ADIPOR1: variants seen among roughly 807,000 people sequenced by gnomAD.
ADIPOR1 encodes adiponectin receptor 1, also known as adiponectin receptor protein 1.
ADIPOR1 carries 15 observed loss-of-function variants against 37.5 expected under a neutral mutation model. The ratio of observed to expected loss-of-function variants is 0.40; its 90% CI spans 0.27 to 0.62. The LOEUF (loss-of-function observed/expected upper bound fraction) is 0.62. Ranked by LOEUF, ADIPOR1 falls within the 20% of genes least tolerant of loss-of-function variation. The probability of loss-of-function intolerance (pLI) is 0.42; values close to 1 mark genes in which losing one functional copy is unlikely to be tolerated. For missense variants in ADIPOR1, 286 were observed against 478.0 expected (o/e 0.60, Z 3.75); for synonymous variants, 173 against 173.2 (o/e 1.00, Z 0.01).
chr1:202,949,592 A>AAAAAAAAAAAAAAC (rs1386405820), intron 2 of ADIPOR1, among the ~76,000 whole-genome samples: 1 of 150,356 alleles, frequency 6.7e-6, no homozygotes, highest in African/African-American at 2.4e-5. Flanking sequence ...AAAAAAAAAA[A>AAAAAAAAAAAAAAC]AAAAACACAC....
At chr1:202,945,559 A>T (rs1481836532) in intron 4 of ADIPOR1, among the ~76,000 whole-genome samples, 1 of 152,238 alleles carries the variant, frequency 6.6e-6, no homozygotes, top group African/African-American at 2.4e-5. Flanking sequence ...ACACATGCAC[A>T]TGTATGTTTA....
Position 202,941,448 on chromosome 1 carries a change from G to T in ADIPOR1, c.*125C>A. 8.0e-7 allele frequency: 1 copy of T among 1,244,440 alleles called. No homozygotes were observed. The highest frequency in any genetic ancestry group is 1.1e-6 in the Non-Finnish European group (1 of 910,488). 77.1% of individuals were successfully genotyped at this position (1,244,440 alleles called of 1,614,324 possible). A position where few individuals can be genotyped will look rare whatever the true frequency, so the allele number is the denominator to read the frequency against. ...GTGAAAGTGGGCTGAAGCTTGGTTG[G>T]TACTGAATTCTCTAAGAGGTTTCTT... is the stretch of plus-strand genomic sequence containing the variant. On this transcript the variant is annotated 3_prime_UTR_variant, in exon 8 of 8. Transcript: ENST00000340990.
chr1:202,957,322 C>T (rs937277527), intron 1 of ADIPOR1, among the ~76,000 whole-genome samples: 2 of 152,036 alleles, frequency 1.3e-5, no homozygotes, highest in African/African-American at 4.8e-5. Flanking sequence ...TTTTCTAGCC[C>T]GTCTTCTGAA....
At chr1:202,957,025 A>C (rs969377200) in intron 1 of ADIPOR1, among the ~76,000 whole-genome samples, 1 of 152,236 alleles carries the variant, frequency 6.6e-6, no homozygotes, top group African/African-American at 2.4e-5. Context: ...TGATTTCCCA[A>C]GTGCAAATCA....
intron 3 of ADIPOR1, 105 bp downstream of exon 3, chr1:202,948,198 TC>T: frequency 2.2e-6 from 2 of 930,094 alleles, no homozygotes; most frequent in South Asian, 3.5e-5. Flanking sequence ...ATCCACTCCT[TC>T]CCAGGAATAA....
At chr1:202,942,616 T>C (rs1654141178) in intron 6 of ADIPOR1, among the ~76,000 whole-genome samples, 1 of 152,132 alleles carries the variant, frequency 6.6e-6, no homozygotes, top group Non-Finnish European at 1.5e-5. Flanking sequence ...AAGTCTTACA[T>C]AACCAGAACT....
chr1:202,952,736 AGTGTG>A (rs1654628161), intron 1 of ADIPOR1, among the ~76,000 whole-genome samples: 1 of 152,214 alleles, frequency 6.6e-6, no homozygotes, highest in Non-Finnish European at 1.5e-5. Context: ...GAGATGGCAT[AGTGTG>A]GGACTTAGCC....
In ADIPOR1 at chr1:202,942,202, A is replaced by G. The variant is rs376585520; in HGVS notation, c.822T>C (p.Leu274=). 267 of 1,614,078 alleles carry G rather than the reference A, an allele frequency of 1.7e-4. 4 individuals are homozygous for G. The East Asian group carries it at 3.6e-3, about 22-fold the overall frequency. The change falls in exon 7 of 8, where the codon CTT becomes CTC. Residue 274 remains leucine, a synonymous_variant. Transcript: ENST00000340990. Reference sequence around the variant, plus strand: ...TGGTGGGCACGACGCCACTCAAGCCAAGTCCCAGGAACACGCCTGAACAGA... The same window carrying G: ...TGGTGGGCACGACGCCACTCAAGCCGAGTCCCAGGAACACGCCTGAACAGA... ...RQTRAGVFLG[L]GLSGVVPTMH... is the part of the protein sequence containing the mutation.
intron 1 of ADIPOR1, among the ~76,000 whole-genome samples, chr1:202,952,157 A>G (rs193259203): frequency 6.6e-6 from 1 of 152,266 alleles, no homozygotes; most frequent in East Asian, 1.9e-4. Context: ...TATGCTGTAA[A>G]TTATTAGTTC....
chr1:202,946,086 G>T (rs1654303915), intron 4 of ADIPOR1, among the ~76,000 whole-genome samples: 1 of 147,282 alleles, frequency 6.8e-6, no homozygotes, highest in Admixed American at 6.9e-5. Context: ...ATGTTTCAAA[G>T]AAAGTGGCAC....
chr1:202,954,778 T>C (rs749476822), intron 1 of ADIPOR1, among the ~76,000 whole-genome samples: 5 of 152,240 alleles, frequency 3.3e-5, no homozygotes, highest in Non-Finnish European at 5.9e-5. Flanking sequence ...GGGGAAAAGA[T>C]TGATTTTTAA....
intron 1 of ADIPOR1, among the ~76,000 whole-genome samples, chr1:202,953,482 T>A (rs906230955): frequency 6.6e-6 from 1 of 152,314 alleles, no homozygotes; most frequent in African/African-American, 2.4e-5. Context: ...TAGAACCCAT[T>A]TCAAAATGAA....
In ADIPOR1 at chr1:202,941,677, C is replaced by T. The variant is rs778182434; in HGVS notation, c.1024G>A (p.Val342Ile). The T allele has an allele frequency of 6.2e-7, 1 of 1,613,920 alleles. No individual in the cohort carries two copies. Among genetic ancestry groups the T allele is most frequent in the South Asian group, 1.1e-5 (1 of 91,064 alleles). ...ACAAAGGCTGCTGCCACCACCAGGA[C>T]ATGGAAAATCTGATGAGACTGGAAC... ...IWFQSHQIFH[V>I]LVVAAAFVHF... Residue 342 changes from valine (V) to isoleucine (I), a missense_variant, in exon 8 of 8, where the codon GTC (valine) becomes ATC (isoleucine). Transcript: ENST00000340990.
chr1:202,957,187 G>T (rs745473370), intron 1 of ADIPOR1, among the ~76,000 whole-genome samples: 38 of 152,108 alleles, frequency 2.5e-4, no homozygotes, highest in Non-Finnish European at 4.4e-4. Flanking sequence ...CACCATCGTA[G>T]CCTACCCAAC....
intron 1 of ADIPOR1, among the ~76,000 whole-genome samples, chr1:202,951,979 G>A (rs1483044092): frequency 6.6e-6 from 1 of 152,138 alleles, no homozygotes. Flanking sequence ...AGAAACTAGA[G>A]ACAGGCACAC....
At position 202,941,316 on chromosome 1, in the gene ADIPOR1, T is replaced by G; in HGVS notation, c.*257A>C. The G allele has an allele frequency of 3.2e-6, 1 of 312,278 alleles. No individual in the cohort carries two copies. Among genetic ancestry groups the G allele is most frequent in the South Asian group, 8.8e-5 (1 of 11,358 alleles). The allele number at this position is 312,278 out of a possible 1,614,324, so 19.3% of individuals were successfully genotyped here. A position where few individuals can be genotyped will look rare whatever the true frequency, so the allele number is the denominator to read the frequency against. On this transcript the variant is annotated 3_prime_UTR_variant, in exon 8 of 8. Coordinates refer to ENST00000340990, the MANE Select transcript of ADIPOR1 (RefSeq NM_015999.6). ...TCAACATGAGTTTCAAAGTACTGTC[T>G]CTGTGAGGGGCCGGTAGATGCCTTG...
chr1:202,956,065 T>C (rs1300860951), intron 1 of ADIPOR1, among the ~76,000 whole-genome samples: 1 of 152,226 alleles, frequency 6.6e-6, no homozygotes, highest in African/African-American at 2.4e-5. Flanking sequence ...CATGAGCCAC[T>C]GTGCCCGGCC....
intron 3 of ADIPOR1, among the ~76,000 whole-genome samples, chr1:202,947,395 G>T (rs1654377897): frequency 6.6e-6 from 1 of 150,746 alleles, no homozygotes; most frequent in African/African-American, 2.4e-5. Context: ...GGTGGCACAT[G>T]CCTGTAATCC....
intron 4 of ADIPOR1, 111 bp from the exon 5 acceptor site, chr1:202,945,280 G>C: frequency 2.9e-6 from 3 of 1,038,902 alleles, no homozygotes; most frequent in Non-Finnish European, 4.0e-6. Flanking sequence ...AATCATCAGG[G>C]AAATACAAAT....
Sources: gnomAD v4.1 joint callset for allele counts (sites outside exome capture counted in the v4.1 genomes callset) on GRCh38, gnomAD v4.1.1 for gene constraint, MANE v1.5 for transcripts, NCBI Gene and HGNC (gene_info 2026-07-23, HGNC 2026-07-21) for gene names.